The following TEAD4 variants were observed in gnomAD, a reference collection of about 807,000 sequenced individuals.
The protein encoded by TEAD4 is transcriptional enhancer factor TEF-3.
A neutral mutation model predicts 52.4 loss-of-function variants in TEAD4; 36 were observed. The ratio of observed to expected loss-of-function variants is 0.69; its 90% CI spans 0.53 to 0.91. TEAD4 has a LOEUF of 0.91. TEAD4 is among the 40% of genes least tolerant of loss of function. The pLI is 0.00. For missense variants in TEAD4, 508 were observed against 583.9 expected, an observed-to-expected ratio of 0.87 and a Z score of 1.34; for synonymous variants, 220 against 231.0, an observed-to-expected ratio of 0.95 and a Z score of 0.43.
intron 3 of TEAD4, among the ~76,000 whole-genome samples, chr12:3,009,986 C>G (rs1019665025): frequency 6.6e-6 from 1 of 152,212 alleles, no homozygotes; most frequent in Non-Finnish European, 1.5e-5. Flanking sequence ...GCAGCTGCCT[C>G]CCACGGACAG....
chr12:2,979,631 C>G (rs2098232599), intron 2 of TEAD4, among the ~76,000 whole-genome samples: 3 of 152,198 alleles, frequency 2.0e-5, no homozygotes, highest in Non-Finnish European at 4.4e-5. Context: ...AGTTGGCAAA[C>G]TTGCAAGTAC....
rs1473963816 is a variant in TEAD4, at chr12:3,013,288, GC to G, written c.354+1060del. ...TTTTTTTTTTTTTTTTAGCAATGTA[GC>G]CCCTTTTCTTTTCTTCCCCCAACAA... On this transcript the variant is annotated intron_variant, in intron 5 of 12. Coordinates refer to ENST00000359864, the MANE Select transcript of TEAD4 (RefSeq NM_003213.4). 2.7e-5 allele frequency among the ~76,000 whole-genome samples: 4 copies of G among 146,590 alleles called. No individual in the cohort carries two copies. The Admixed American group carries it at 2.8e-4, about 10-fold the overall frequency.
At chr12:2,966,359 G>A (rs966673437) in intron 2 of TEAD4, among the ~76,000 whole-genome samples, 9 of 151,766 alleles carry the variant, frequency 5.9e-5, no homozygotes, top group African/African-American at 1.2e-4. Flanking sequence ...CCATAGATAC[G>A]AGCCTCTCCC....
rs567762240 is a variant in TEAD4 at position 3,038,448 on chromosome 12, G to A, written c.1038+340G>A. ...TTCACAGTGGAGGCCCAGAGAGAGC[G>A]GAGGCCTCCCACCAATCGCCCGCAC... On this transcript the variant is annotated intron_variant, in intron 11 of 12. Coordinates refer to ENST00000359864, the MANE Select transcript of TEAD4 (RefSeq NM_003213.4). Among the ~76,000 whole-genome samples, 22 of 152,326 alleles carry A rather than the reference G, an allele frequency of 1.4e-4. No individual in the cohort carries two copies. In the East Asian group the frequency reaches 3.7e-3, roughly 25 times the overall value.
In TEAD4 at chr12:3,013,814, C is replaced by T. The variant is rs11829225; in HGVS notation, c.354+1582C>T. 8.0e-3 allele frequency among the ~76,000 whole-genome samples: 1,225 copies of T among 152,264 alleles called. 19 individuals are homozygous for T. The highest frequency in any genetic ancestry group is 0.028 in the African/African-American group (1,163 of 41,550). On this transcript the variant is annotated intron_variant, in intron 5 of 12. Transcript: ENST00000359864. ...GGTTGAGGCCAGGAGTTGGAGGCTG[C>T]GGTGGGCTGTGATTGCACCTGTGAC...
At chr12:2,986,330 G>A (rs1268758085) in intron 2 of TEAD4, among the ~76,000 whole-genome samples, 1 of 151,582 alleles carries the variant, frequency 6.6e-6, no homozygotes, top group Non-Finnish European at 1.5e-5. Context: ...ACAAGTAGAA[G>A]GAGTACACTC....
chr12:2,974,676 G>A (rs2098228020), intron 2 of TEAD4, among the ~76,000 whole-genome samples: 2 of 152,162 alleles, frequency 1.3e-5, no homozygotes, highest in African/African-American at 4.8e-5. Flanking sequence ...GCATTCCCCG[G>A]TGTGGAGACT....
At chr12:3,023,838 C>T (rs547327051) in intron 10 of TEAD4, among the ~76,000 whole-genome samples, 57 of 151,674 alleles carry the variant, frequency 3.8e-4, no homozygotes, top group African/African-American at 1.2e-3. Flanking sequence ...TCCTACTCCT[C>T]CCCACACCCA....
intron 5 of TEAD4, among the ~76,000 whole-genome samples, chr12:3,013,229 G>A (rs1190333235): frequency 6.6e-6 from 1 of 151,422 alleles, no homozygotes; most frequent in East Asian, 1.9e-4. Context: ...TGAAATTATA[G>A]GCATGAGCCA....
chr12:3,017,371 G>A, intron 5 of TEAD4, 27 bp from the exon 6 acceptor site: 2 of 1,613,886 alleles, frequency 1.2e-6, no homozygotes, highest in Non-Finnish European at 8.5e-7. Flanking sequence ...ACCCTGCTGA[G>A]GTCCTCCCTT....
chr12:3,000,515 A>G (rs3825367), intron 3 of TEAD4, among the ~76,000 whole-genome samples: 107,259 of 151,806 alleles, frequency 0.71, 41,492 homozygotes, highest in Non-Finnish European at 0.87. Context: ...CTGTTAGCTC[A>G]TTAATCCCTG....
intron 2 of TEAD4, among the ~76,000 whole-genome samples, chr12:2,961,571 C>A (rs1487741375): frequency 6.6e-6 from 1 of 152,070 alleles, no homozygotes; most frequent in Non-Finnish European, 1.5e-5. Flanking sequence ...GACCAGGGTA[C>A]AAATCCTGAG....
intron 2 of TEAD4, among the ~76,000 whole-genome samples, chr12:2,968,570 G>A (rs28380646): frequency 1.2e-4 from 18 of 151,348 alleles, no homozygotes; most frequent in Admixed American, 5.9e-4. Context: ...TGCCATGCCC[G>A]CCTAACATTT....
At chr12:3,034,155 A>G (rs1358311861) in intron 10 of TEAD4, among the ~76,000 whole-genome samples, 3 of 151,816 alleles carry the variant, frequency 2.0e-5, no homozygotes, top group Non-Finnish European at 4.4e-5. Flanking sequence ...CCCTGCCTCT[A>G]GCACTGCTGG....
chr12:3,021,044 TA>T (rs972414305), intron 9 of TEAD4, among the ~76,000 whole-genome samples: 20 of 152,152 alleles, frequency 1.3e-4, no homozygotes, highest in African/African-American at 4.8e-4. Flanking sequence ...CCTCCCCTCC[TA>T]ACCCAACCGA....
In TEAD4 at chr12:3,019,134, CA is replaced by C; in HGVS notation, c.550del (p.Thr184ProfsTer113). The stretch of plus-strand genomic sequence containing the variant: ...CCGCAGTGTGAAGCCTTTCTCTCAG[CA>C]AACCTATGCTGTCCAGCCTCCGCTG... On this transcript the variant is annotated frameshift_variant, in exon 8 of 13. Transcript: ENST00000359864. LOFTEE classifies it high-confidence loss of function. 6.2e-7 allele frequency: 1 copy of C among 1,614,062 alleles called. No homozygotes were observed. Among genetic ancestry groups the C allele is most frequent in the African/African-American group, 1.3e-5 (1 of 75,048 alleles).
intron 2 of TEAD4, among the ~76,000 whole-genome samples, chr12:2,963,156 G>A (rs895728046): frequency 2.0e-5 from 3 of 152,180 alleles, no homozygotes; most frequent in Admixed American, 6.6e-5. Flanking sequence ...TGATGAGCCG[G>A]CAGGTGAAGG....
At chr12:3,003,066 T>C (rs975986458) in intron 3 of TEAD4, among the ~76,000 whole-genome samples, 13 of 152,094 alleles carry the variant, frequency 8.5e-5, no homozygotes, top group South Asian at 4.1e-4. Flanking sequence ...TTCCAGGCCA[T>C]TGGGGATTAG....
chr12:3,018,518 C>T (rs771520484), intron 6 of TEAD4, 27 bp from the exon 7 acceptor site: 4 of 1,613,886 alleles, frequency 2.5e-6, no homozygotes, highest in Non-Finnish European at 3.4e-6. Flanking sequence ...TGGGGCCGTG[C>T]TGATTCCATG....
Sources: allele counts gnomAD v4.1 joint callset (sites outside exome capture counted in the v4.1 genomes callset), GRCh38; gene constraint gnomAD v4.1.1; transcripts MANE v1.5; gene names NCBI Gene and HGNC (gene_info 2026-07-23, HGNC 2026-07-21).